The following SLC7A1 variants were observed in gnomAD, a reference collection of about 807,000 sequenced individuals.
SLC7A1 encodes solute carrier family 7 member 1.
Under a neutral mutation model 53.9 loss-of-function variants are expected in SLC7A1, and 10 were observed. That is an observed-to-expected ratio of 0.19 (90% confidence interval 0.11 to 0.31). The LOEUF (loss-of-function observed/expected upper bound fraction) is 0.31. SLC7A1 is among the 10% of genes least tolerant of loss of function. The pLI is 1.00. For synonymous variants in SLC7A1, 342 were observed against 338.7 expected (o/e 1.01, Z -0.11); for missense variants, 525 against 827.2 (o/e 0.63, Z 4.48).
chr13:29,591,394 G>A (rs1470953070), intron 1 of SLC7A1, among the ~76,000 whole-genome samples: 2 of 152,148 alleles, frequency 1.3e-5, no homozygotes, highest in South Asian at 2.1e-4. Flanking sequence ...TGCTCTTTCT[G>A]CCAGTAGGGA....
intron 5 of SLC7A1, among the ~76,000 whole-genome samples, chr13:29,529,633 G>A (rs1869060473): frequency 6.6e-6 from 1 of 152,222 alleles, no homozygotes; most frequent in South Asian, 2.1e-4. Flanking sequence ...GAGGCCTGTG[G>A]CAAAGCTGGC....
intron 6 of SLC7A1, among the ~76,000 whole-genome samples, 162 bp from the exon 7 acceptor site, chr13:29,523,650 G>A (rs1265429991): frequency 1.3e-5 from 2 of 152,202 alleles, no homozygotes; most frequent in Non-Finnish European, 2.9e-5. Context: ...CTGTGCTTCC[G>A]GGAGCAGAGG....
chr13:29,584,720 G>GA (rs567981198), intron 1 of SLC7A1, among the ~76,000 whole-genome samples: 22 of 149,612 alleles, frequency 1.5e-4, no homozygotes, highest in Admixed American at 4.6e-4. Context: ...TATTTTCTAA[G>GA]AAAAAAAAAG....
intron 2 of SLC7A1, among the ~76,000 whole-genome samples, chr13:29,543,616 G>A (rs948356954): frequency 1.2e-4 from 18 of 152,200 alleles, no homozygotes; most frequent in African/African-American, 2.9e-4. Flanking sequence ...AGAGGGGTGC[G>A]GAAGGAGGCA....
chr13:29,543,011 C>T (rs1869735602), intron 2 of SLC7A1, among the ~76,000 whole-genome samples: 1 of 152,166 alleles, frequency 6.6e-6, no homozygotes, highest in South Asian at 2.1e-4. Context: ...TAAATTCCAC[C>T]CAAAGTGACT....
intron 1 of SLC7A1, among the ~76,000 whole-genome samples, chr13:29,578,472 C>T (rs1871501324): frequency 6.6e-6 from 1 of 152,146 alleles, no homozygotes. Context: ...TCTGCTAAGG[C>T]AAACCTAAAG....
intron 1 of SLC7A1, among the ~76,000 whole-genome samples, chr13:29,556,769 G>C (rs1317219849): frequency 2.0e-5 from 3 of 152,216 alleles, no homozygotes; most frequent in Non-Finnish European, 2.9e-5. Context: ...AAGGGTGTCA[G>C]AGGGGTTCCA....
In SLC7A1 at chr13:29,509,787, T is replaced by G. The variant is rs959105541; in HGVS notation, c.*4693A>C. On this transcript the variant is annotated 3_prime_UTR_variant, in exon 13 of 13. Coordinates refer to ENST00000380752, the MANE Select transcript of SLC7A1 (RefSeq NM_003045.5). ...CACAACTCTTAATAATGGCTCCATGTTCAGTAGAAGAAAATATTTACTGGA... is the reference window on the plus strand; with the variant it reads ...CACAACTCTTAATAATGGCTCCATGGTCAGTAGAAGAAAATATTTACTGGA... 4 of 152,538 alleles carry G rather than the reference T, an allele frequency of 2.6e-5. No individual in the cohort carries two copies. The highest frequency in any genetic ancestry group is 9.7e-5 in the African/African-American group (4 of 41,442). 9.4% of individuals were successfully genotyped at this position (152,538 alleles called of 1,614,324 possible). A position where few individuals can be genotyped will look rare whatever the true frequency, so the allele number is the denominator to read the frequency against.
At chr13:29,548,701 C>T (rs1302510270) in intron 2 of SLC7A1, among the ~76,000 whole-genome samples, 2 of 152,244 alleles carry the variant, frequency 1.3e-5, no homozygotes, top group African/African-American at 2.4e-5. Flanking sequence ...GCTTGCCTTA[C>T]AGCACAATAT....
At chr13:29,544,987 AGTAT>A (rs1390163941) in intron 2 of SLC7A1, among the ~76,000 whole-genome samples, 1 of 151,946 alleles carries the variant, frequency 6.6e-6, no homozygotes, top group African/African-American at 2.4e-5. Flanking sequence ...GGCACCAAAT[AGTAT>A]TGACAGGACC....
intron 1 of SLC7A1, among the ~76,000 whole-genome samples, chr13:29,587,279 G>A (rs976333596): frequency 1.3e-5 from 2 of 152,182 alleles, no homozygotes; most frequent in African/African-American, 4.8e-5. Context: ...GCCAGGAAAG[G>A]GGAGAGCCAC....
intron 2 of SLC7A1, among the ~76,000 whole-genome samples, chr13:29,541,806 T>C (rs945868768): frequency 4.6e-5 from 7 of 152,150 alleles, no homozygotes; most frequent in African/African-American, 1.7e-4. Context: ...TAATAAAATA[T>C]GACAAAATAA....
chr13:29,553,302 GGAC>G (rs1399503042), intron 2 of SLC7A1, among the ~76,000 whole-genome samples: 1 of 152,216 alleles, frequency 6.6e-6, no homozygotes, highest in Non-Finnish European at 1.5e-5. Context: ...AAACATGGCA[GGAC>G]GCATCACAGC....
chr13:29,523,444 C>T lies in SLC7A1; in HGVS notation c.871G>A (p.Val291Met), dbSNP rs557568889. The change falls in exon 7 of 13, where the codon GTG becomes ATG. Residue 291 changes from valine to methionine, a missense_variant. By Grantham distance (21) the Val-to-Met change is conservative. Transcript: ENST00000380752. Reference sequence around the variant, plus strand: ...ATGAAGCAGATCAAGAGGGACGCCACGATCCCCACGGGGATGGCCTTCTGT... The same window carrying T: ...ATGAAGCAGATCAAGAGGGACGCCATGATCCCCACGGGGATGGCCTTCTGT... ...NPQKAIPVGI[V>M]ASLLICFIAY... The T allele has an allele frequency of 1.2e-6, 2 of 1,613,994 alleles. No homozygotes were observed. Among genetic ancestry groups the T allele is most frequent in the Non-Finnish European group, 1.7e-6 (2 of 1,180,024 alleles).
chr13:29,551,208 C>G (rs1224233150), intron 2 of SLC7A1, among the ~76,000 whole-genome samples: 1 of 152,214 alleles, frequency 6.6e-6, no homozygotes, highest in African/African-American at 2.4e-5. Flanking sequence ...AAGCAAGTAA[C>G]TGTTCACAAT....
rs754129311 is a variant in SLC7A1, at chr13:29,532,860, C to T, written c.493G>A (p.Asp165Asn). Reference sequence around the variant, plus strand: ...AGAATTATGATCACTGCGAATATGTCGGGGTTTTCAGCCAGCACGCCGGGG... The same window carrying T: ...AGAATTATGATCACTGCGAATATGTTGGGGTTTTCAGCCAGCACGCCGGGG... ...NAPGVLAENP[D>N]IFAVIIILIL... Residue 165 changes from aspartate (D) to asparagine (N), a missense_variant, in exon 4 of 13, where the codon GAC (aspartate) becomes AAC (asparagine). By Grantham distance (23) the Asp-to-Asn change is conservative (BLOSUM62 1). Around this residue, in one of 4 missense-constraint regions of SLC7A1, gnomAD observed 354 missense variants for 587.5 expected, o/e 0.60. Transcript: ENST00000380752. 7 of 1,613,870 alleles carry T rather than the reference C, an allele frequency of 4.3e-6. No individual in the cohort carries two copies. The highest frequency in any genetic ancestry group is 4.2e-6 in the Non-Finnish European group (5 of 1,179,954).
intron 1 of SLC7A1, among the ~76,000 whole-genome samples, chr13:29,569,841 T>C (rs1430832351): frequency 6.6e-6 from 1 of 152,106 alleles, no homozygotes; most frequent in Non-Finnish European, 1.5e-5. Flanking sequence ...CAGCGGTGCT[T>C]ATCAGAGCTC....
intron 1 of SLC7A1, among the ~76,000 whole-genome samples, chr13:29,568,207 T>TCCCC (rs1425539305): frequency 5.9e-5 from 9 of 152,158 alleles, no homozygotes; most frequent in Admixed American, 5.9e-4. Flanking sequence ...TCTAATCCAC[T>TCCCC]CCAGACCACA....
intron 5 of SLC7A1, among the ~76,000 whole-genome samples, chr13:29,527,074 A>G (rs1201758024): frequency 2.8e-4 from 3 of 10,732 alleles, no homozygotes; most frequent in African/African-American, 4.6e-4. Context: ...GGCCTGATTA[A>G]AAAAAAAAAA....
Sources: gnomAD v4.1 joint callset for allele counts (sites outside exome capture counted in the v4.1 genomes callset) on GRCh38, gnomAD v4.1.1 for gene constraint, gnomAD v4.1.1 regional missense constraint, MANE v1.5 for transcripts, NCBI Gene and HGNC (gene_info 2026-07-23, HGNC 2026-07-21) for gene names.